Variants in GPBP1 observed in about 807,000 individuals in gnomAD.
GPBP1 encodes the protein GC-rich promoter binding protein 1, also known as vasculin.
A neutral mutation model predicts 56.5 loss-of-function variants in GPBP1; 13 were observed. That is an observed-to-expected ratio of 0.23 (90% confidence interval 0.15 to 0.37). The LOEUF is 0.37. Among genes scored for constraint, GPBP1 ranks in the 10% least tolerant of loss-of-function variants. The pLI is 1.00. For missense variants in GPBP1, 477 were observed against 572.3 expected (o/e 0.83, Z 1.70); for synonymous variants, 204 against 188.9 (o/e 1.08, Z -0.66).
chr5:57,210,069 C>T (rs945821597), intron 2 of GPBP1, among the ~76,000 whole-genome samples: 1 of 152,080 alleles, frequency 6.6e-6, no homozygotes, highest in African/African-American at 2.4e-5. Flanking sequence ...GTAAGTTTTT[C>T]TTTGAAAACG....
At chr5:57,180,773 G>A (rs1406586831) in intron 2 of GPBP1, among the ~76,000 whole-genome samples, 1 of 152,044 alleles carries the variant, frequency 6.6e-6, no homozygotes, top group African/African-American at 2.4e-5. Context: ...ACAGAGTCTC[G>A]CTCTGTCACT....
chr5:57,183,355 A>G (rs183275675), intron 2 of GPBP1, among the ~76,000 whole-genome samples: 52 of 152,316 alleles, frequency 3.4e-4, no homozygotes, highest in African/African-American at 1.3e-3. Context: ...TGACAAGAGT[A>G]AAAACTCTGT....
chr5:57,176,063 A>C lies in GPBP1; in HGVS notation c.-395A>C. The C allele has an allele frequency of 2.5e-6, 1 of 398,514 alleles. No homozygotes were observed. The highest frequency in any genetic ancestry group is 4.4e-6 in the Non-Finnish European group (1 of 226,026). The allele number at this position is 398,514 out of a possible 1,614,324, so 24.7% of individuals were successfully genotyped here. ...ATGCTGATGTTTAGGAATGCTCTTC[A>C]GATGTGAAATTTTCTTTTTGTTTTT... On this transcript the variant is annotated 5_prime_UTR_variant, in exon 2 of 12. Transcript: ENST00000506184.
chr5:57,229,899 G>C (rs896420265), intron 3 of GPBP1, among the ~76,000 whole-genome samples: 2 of 148,526 alleles, frequency 1.3e-5, no homozygotes, highest in African/African-American at 5.0e-5. Context: ...GAGACGACTT[G>C]TTAAAATTTT....
chr5:57,211,838 C>G (rs746525370), intron 2 of GPBP1, among the ~76,000 whole-genome samples: 1 of 151,936 alleles, frequency 6.6e-6, no homozygotes, highest in Non-Finnish European at 1.5e-5. Flanking sequence ...TCCCAAAGTG[C>G]TGGGATTACA....
intron 2 of GPBP1, among the ~76,000 whole-genome samples, chr5:57,190,643 T>A (rs1355933444): frequency 6.7e-6 from 1 of 149,920 alleles, no homozygotes; most frequent in Admixed American, 6.7e-5. Flanking sequence ...TAAATTGTTA[T>A]ATGAGCTTTT....
chr5:57,233,960 C>G (rs1429108206), intron 5 of GPBP1, among the ~76,000 whole-genome samples: 1 of 152,096 alleles, frequency 6.6e-6, no homozygotes, highest in African/African-American at 2.4e-5. Flanking sequence ...TATCCCACCC[C>G]CATTCTCAAG....
At position 57,262,793 on chromosome 5, in the gene GPBP1, C is replaced by T; in HGVS notation, c.*41C>T. On this transcript the variant is annotated 3_prime_UTR_variant, in exon 12 of 12. Coordinates refer to ENST00000506184, the MANE Select transcript of GPBP1 (RefSeq NM_022913.4). Reference sequence around the variant, plus strand: ...CTTTAGAAATCTTAGTGTGATACATCTCTCATACAGTTTGGGGTGAATTGT... The same window carrying T: ...CTTTAGAAATCTTAGTGTGATACATTTCTCATACAGTTTGGGGTGAATTGT... The T allele has an allele frequency of 6.4e-7, 1 of 1,554,844 alleles. No individual in the cohort carries two copies. The highest frequency in any genetic ancestry group is 8.9e-7 in the Non-Finnish European group (1 of 1,128,816).
intron 2 of GPBP1, among the ~76,000 whole-genome samples, chr5:57,206,015 C>T (rs185221071): frequency 1.6e-3 from 244 of 152,312 alleles, no homozygotes; most frequent in African/African-American, 5.7e-3. Flanking sequence ...ATCCTCCTGC[C>T]TTGGCCTCCT....
In GPBP1 at chr5:57,246,602, C is replaced by A. The variant is rs948682949; in HGVS notation, c.663+118C>A. 2.1e-5 allele frequency: 15 copies of A among 726,756 alleles called. No individual in the cohort carries two copies. The African/African-American group carries it at 2.3e-4, about 11-fold the overall frequency. The allele number at this position is 726,756 out of a possible 1,614,324, so 45.0% of individuals were successfully genotyped here. Reference sequence around the variant, plus strand: ...GAGGTACTTCGTGGGGTGCTGAGTTCTAGGTGGCAAGAGTTGACCCATATG... The same window carrying A: ...GAGGTACTTCGTGGGGTGCTGAGTTATAGGTGGCAAGAGTTGACCCATATG... On this transcript the variant is annotated intron_variant, in intron 7 of 11. Transcript: ENST00000506184.
intron 6 of GPBP1, chr5:57,237,504 A>G: frequency 4.1e-6 from 1 of 242,266 alleles, no homozygotes; most frequent in South Asian, 7.5e-5. Context: ...GTACTAGTTG[A>G]AAAGATGTTC....
rs1741998595 is a variant in GPBP1 at position 57,263,628 on chromosome 5, T to C, written c.*876T>C. The C allele has an allele frequency of 6.6e-6, 1 of 152,196 alleles. No homozygotes were observed. The highest frequency in any genetic ancestry group is 1.5e-5 in the Non-Finnish European group (1 of 68,012). The allele number at this position is 152,196 out of a possible 1,614,324, so 9.4% of individuals were successfully genotyped here. A position where few individuals can be genotyped will look rare whatever the true frequency, so the allele number is the denominator to read the frequency against. Reference sequence around the variant, plus strand: ...GTGTTCAAGGTATTGTTTCTAAACATAAACATACTCTAAACATGCTTTATT... The same window carrying C: ...GTGTTCAAGGTATTGTTTCTAAACACAAACATACTCTAAACATGCTTTATT... On this transcript the variant is annotated 3_prime_UTR_variant, in exon 12 of 12. Transcript: ENST00000506184.
intron 2 of GPBP1, among the ~76,000 whole-genome samples, chr5:57,181,004 A>G (rs536202233): frequency 1.3e-5 from 2 of 152,312 alleles, no homozygotes; most frequent in African/African-American, 2.4e-5. Flanking sequence ...AACAAATTTA[A>G]ATATGGCTTT....
intron 6 of GPBP1, chr5:57,246,091 A>G (rs547773861): frequency 4.9e-5 from 21 of 429,914 alleles, no homozygotes; most frequent in Non-Finnish European, 7.9e-5. Flanking sequence ...ACATTGCCCA[A>G]TTCTTCCTAT....
At chr5:57,219,846 A>G (rs1003720205) in intron 3 of GPBP1, among the ~76,000 whole-genome samples, 1 of 152,044 alleles carries the variant, frequency 6.6e-6, no homozygotes. Context: ...TGAGGTTGGG[A>G]GTTCGAGACC....
At chr5:57,262,300 A>G (rs1741931057) in intron 11 of GPBP1, among the ~76,000 whole-genome samples, 1 of 152,214 alleles carries the variant, frequency 6.6e-6, no homozygotes, top group Non-Finnish European at 1.5e-5. Flanking sequence ...GGTCAGAATA[A>G]TAAAAATAAC....
chr5:57,213,760 A>C (rs1360769889), intron 2 of GPBP1, among the ~76,000 whole-genome samples: 5 of 152,216 alleles, frequency 3.3e-5, no homozygotes, highest in African/African-American at 7.2e-5. Context: ...TTGACTTTTT[A>C]ATAAAAGCTA....
intron 11 of GPBP1, among the ~76,000 whole-genome samples, chr5:57,261,882 G>A (rs899783554): frequency 4.6e-5 from 7 of 151,916 alleles, no homozygotes; most frequent in African/African-American, 1.7e-4. Flanking sequence ...TTTTCAAATC[G>A]ATTATTTGTT....
chr5:57,207,323 ATTTTTTTTC>A (rs1056119880), intron 2 of GPBP1, among the ~76,000 whole-genome samples: 15 of 151,958 alleles, frequency 9.9e-5, no homozygotes, highest in African/African-American at 3.4e-4. Flanking sequence ...AGAGTGTTGG[ATTTTTTTTC>A]TTTTTTGAAA....
Sources: allele counts gnomAD v4.1 joint callset (sites outside exome capture counted in the v4.1 genomes callset), GRCh38; gene constraint gnomAD v4.1.1; transcripts MANE v1.5; gene names NCBI Gene and HGNC (gene_info 2026-07-23, HGNC 2026-07-21).